TRIM44: variants seen among roughly 807,000 people sequenced by gnomAD.
TRIM44 encodes the protein tripartite motif-containing protein 44.
A neutral mutation model predicts 37.4 loss-of-function variants in TRIM44; 13 were observed. The observed-to-expected ratio is 0.35, with a 90% CI of 0.23 to 0.55. The LOEUF is 0.55. Among genes scored for constraint, TRIM44 ranks in the 20% least tolerant of loss-of-function variants. The pLI is 0.89. For synonymous variants in TRIM44, 175 were observed against 157.2 expected (o/e 1.11, Z -0.85); for missense variants, 426 against 437.2 (o/e 0.97, Z 0.23).
chr11:35,699,505 G>A (rs578257591), intron 2 of TRIM44, among the ~76,000 whole-genome samples: 4 of 152,056 alleles, frequency 2.6e-5, no homozygotes, highest in Admixed American at 2.6e-4. Flanking sequence ...CATACTGAAT[G>A]GGCAAAAACT....
chr11:35,746,446 C>CTTTTTTTTTTTTTTTTTTTTTTTTTTT (rs5791065), intron 4 of TRIM44, among the ~76,000 whole-genome samples: 1 of 93,200 alleles, frequency 1.1e-5, no homozygotes, highest in Non-Finnish European at 1.9e-5. Flanking sequence ...GGGGGTCCTT[C>CTTTTTTTTTTTTTTTTTTTTTTTTTTT]TTTTTTTTTT....
chr11:35,748,108 T>C (rs568477384), intron 4 of TRIM44, among the ~76,000 whole-genome samples: 1 of 152,202 alleles, frequency 6.6e-6, no homozygotes, highest in South Asian at 2.1e-4. Flanking sequence ...GGAAAGAAGA[T>C]TGTCACGTAG....
chr11:35,673,761 C>T lies in TRIM44; in HGVS notation c.669+9981C>T, dbSNP rs146843956. The stretch of plus-strand genomic sequence containing the variant: ...GATTTTTTGGGTAAGGTTGCTGATG[C>T]AGTAGGCTTATTCTTAGGCTCCTCT... On this transcript the variant is annotated intron_variant, in intron 1 of 4. Coordinates refer to ENST00000299413, the MANE Select transcript of TRIM44 (RefSeq NM_017583.6). 2.1e-3 allele frequency among the ~76,000 whole-genome samples: 315 copies of T among 152,172 alleles called. 1 individual carries two copies. The highest frequency in any genetic ancestry group is 1.8e-3 in the Non-Finnish European group (123 of 68,008).
At chr11:35,755,617 C>G (rs1355219517) in intron 4 of TRIM44, among the ~76,000 whole-genome samples, 2 of 152,130 alleles carry the variant, frequency 1.3e-5, no homozygotes, top group African/African-American at 4.8e-5. Flanking sequence ...AGGTTTTCTT[C>G]TAGGGTTTTT....
intron 4 of TRIM44, among the ~76,000 whole-genome samples, chr11:35,772,463 G>A (rs1852886823): frequency 6.6e-6 from 1 of 152,232 alleles, no homozygotes; most frequent in South Asian, 2.1e-4. Flanking sequence ...AAGGCAGCTG[G>A]TAGGGAGGCT....
intron 4 of TRIM44, among the ~76,000 whole-genome samples, chr11:35,742,462 C>T (rs1469399811): frequency 1.6e-5 from 2 of 126,628 alleles, no homozygotes; most frequent in African/African-American, 3.2e-5. Flanking sequence ...ATATTAATTA[C>T]AATTAATATA....
intron 4 of TRIM44, among the ~76,000 whole-genome samples, chr11:35,766,379 G>T (rs1221740802): frequency 6.6e-6 from 1 of 152,134 alleles, no homozygotes; most frequent in Non-Finnish European, 1.5e-5. Context: ...CCTCCCCAAG[G>T]CCAGGGTAGA....
At chr11:35,679,190 T>C (rs1851497627) in intron 1 of TRIM44, among the ~76,000 whole-genome samples, 1 of 152,194 alleles carries the variant, frequency 6.6e-6, no homozygotes, top group African/African-American at 2.4e-5. Flanking sequence ...GTGACTTTTC[T>C]TTTGGGTGCC....
chr11:35,800,382 C>T (rs1183754004), intron 4 of TRIM44, among the ~76,000 whole-genome samples: 1 of 152,188 alleles, frequency 6.6e-6, no homozygotes, highest in African/African-American at 2.4e-5. Context: ...CTTTTATTCC[C>T]TTATTTGGCC....
intron 2 of TRIM44, among the ~76,000 whole-genome samples, chr11:35,722,797 A>T (rs1447028453): frequency 6.6e-6 from 1 of 152,176 alleles, no homozygotes. Flanking sequence ...GCAGCCCAGT[A>T]GGTCTCAGTC....
intron 2 of TRIM44, among the ~76,000 whole-genome samples, chr11:35,716,599 C>T (rs1852041850): frequency 6.6e-6 from 1 of 152,008 alleles, no homozygotes; most frequent in African/African-American, 2.4e-5. Context: ...TTTTGCAGGG[C>T]CCTTAGTTAA....
chr11:35,806,288 C>A, intron 4 of TRIM44, 70 bp from the exon 5 acceptor site: 2 of 1,551,482 alleles, frequency 1.3e-6, no homozygotes, highest in South Asian at 1.1e-5. Flanking sequence ...TCTGTGCTAT[C>A]AACCAGTAGA....
At chr11:35,695,854 A>G (rs1183429597) in intron 2 of TRIM44, among the ~76,000 whole-genome samples, 1 of 151,928 alleles carries the variant, frequency 6.6e-6, no homozygotes, top group Non-Finnish European at 1.5e-5. Context: ...ATATGTTAAT[A>G]TCACTCACTA....
At chr11:35,726,976 A>G (rs975091200) in intron 3 of TRIM44, among the ~76,000 whole-genome samples, 3 of 152,000 alleles carry the variant, frequency 2.0e-5, no homozygotes, top group Admixed American at 6.6e-5. Flanking sequence ...CCTGGGCAAC[A>G]TAGTGAGACC....
rs540284272 is a variant in TRIM44, at chr11:35,697,708, G to GT, written c.747+12378dup. Among the ~76,000 whole-genome samples, 1,141 of 151,670 alleles carry GT rather than the reference G, an allele frequency of 7.5e-3. 3 individuals are homozygous for GT. The highest frequency in any genetic ancestry group is 0.011 in the Admixed American group (162 of 15,206). On this transcript the variant is annotated intron_variant, in intron 2 of 4. Coordinates refer to ENST00000299413, the MANE Select transcript of TRIM44 (RefSeq NM_017583.6). The stretch of plus-strand genomic sequence containing the variant: ...TATGAGTGAGAATATGCGGTGTTTG[G>GT]TTTTTTGTCCTTGTGATAGTTTGTT...
chr11:35,792,111 A>ACACACACACACTCT (rs796092540), intron 4 of TRIM44, among the ~76,000 whole-genome samples: 2,355 of 114,164 alleles, frequency 0.021, 29 homozygotes, highest in Middle Eastern at 0.035. Flanking sequence ...ACACACACAC[A>ACACACACACACTCT]CTCTCTCTCA....
chr11:35,716,638 G>A (rs1156677049), intron 2 of TRIM44, among the ~76,000 whole-genome samples: 1 of 152,158 alleles, frequency 6.6e-6, no homozygotes, highest in South Asian at 2.1e-4. Context: ...TGAGGTAGTA[G>A]TAAGTCAAGA....
chr11:35,752,986 A>G (rs926728504), intron 4 of TRIM44, among the ~76,000 whole-genome samples: 1 of 152,226 alleles, frequency 6.6e-6, no homozygotes, highest in Non-Finnish European at 1.5e-5. Context: ...TCACAACTGT[A>G]TTCTCTAGAG....
At chr11:35,796,259 G>A (rs563138362) in intron 4 of TRIM44, among the ~76,000 whole-genome samples, 12 of 152,234 alleles carry the variant, frequency 7.9e-5, no homozygotes, top group African/African-American at 1.9e-4. Flanking sequence ...TGCCTCGCTC[G>A]CTCGCTGTCA....
Sources: gnomAD v4.1 joint callset for allele counts (sites outside exome capture counted in the v4.1 genomes callset) on GRCh38, gnomAD v4.1.1 for gene constraint, MANE v1.5 for transcripts, NCBI Gene and HGNC (gene_info 2026-07-23, HGNC 2026-07-21) for gene names.